DHX15: variants seen among roughly 807,000 people sequenced by gnomAD.
The protein encoded by DHX15 is DEAH-box helicase 15, also known as ATP-dependent RNA helicase DHX15.
DHX15 carries 11 observed loss-of-function variants against 94.4 expected under a neutral mutation model. The observed-to-expected ratio is 0.12, with a 90% CI of 0.07 to 0.19. The LOEUF is 0.19. Among genes scored for constraint, DHX15 ranks in the 10% least tolerant of loss-of-function variants. The pLI, the probability that DHX15 is intolerant of heterozygous loss-of-function variation, is 1.00. For synonymous variants in DHX15, 338 were observed against 329.9 expected (o/e 1.02, Z -0.27); for missense variants, 304 against 988.5 (o/e 0.31, Z 9.29).
intron 1 of DHX15, among the ~76,000 whole-genome samples, chr4:24,576,912 G>A (rs1722280475): frequency 1.3e-5 from 2 of 151,970 alleles, no homozygotes; most frequent in Admixed American, 1.3e-4. Context: ...TTAACATTAG[G>A]TGAGGTAACA....
chr4:24,528,093 T>G, intron 13 of DHX15, 52 bp from the exon 14 acceptor site: 1 of 1,276,494 alleles, frequency 7.8e-7, no homozygotes, highest in Non-Finnish European at 1.1e-6. Context: ...ATTGAAGTAC[T>G]GGAGTTGTTA....
rs759289510 is a variant in DHX15, at chr4:24,576,736, C to T, written c.72-58G>A. On this transcript the variant is annotated intron_variant, in intron 1 of 13. Transcript: ENST00000336812. ...ATTTTATGCAGAATGTTCACGGTAG[C>T]GTTATAATCACAAAGAGAGTAAATG... 5 of 1,574,116 alleles carry T rather than the reference C, an allele frequency of 3.2e-6. No individual in the cohort carries two copies. In the Admixed American group the frequency reaches 5.3e-5, roughly 17 times the overall value.
At chr4:24,577,463 T>C (rs1420687762) in intron 1 of DHX15, among the ~76,000 whole-genome samples, 1 of 152,200 alleles carries the variant, frequency 6.6e-6, no homozygotes, top group Non-Finnish European at 1.5e-5. Context: ...CATTTTAACC[T>C]AAACAGCAAC....
chr4:24,552,305 T>C (rs555079342), intron 5 of DHX15, among the ~76,000 whole-genome samples: 107 of 152,208 alleles, frequency 7.0e-4, no homozygotes, highest in Non-Finnish European at 1.1e-3. Flanking sequence ...TGTTAGTAAA[T>C]TAATCTGGAC....
intron 3 of DHX15, among the ~76,000 whole-genome samples, chr4:24,569,368 G>A (rs1295754808): frequency 3.3e-5 from 5 of 151,972 alleles, no homozygotes; most frequent in African/African-American, 4.8e-5. Flanking sequence ...TGAGGCGGGC[G>A]GATCATGAGG....
intron 1 of DHX15, among the ~76,000 whole-genome samples, chr4:24,577,404 A>T (rs1307952953): frequency 6.6e-6 from 1 of 152,168 alleles, no homozygotes. Flanking sequence ...TTGCTTTATT[A>T]AAAAAACTGA....
intron 6 of DHX15, among the ~76,000 whole-genome samples, chr4:24,544,549 AAAC>A (rs1391997123): frequency 6.6e-6 from 1 of 152,220 alleles, no homozygotes; most frequent in African/African-American, 2.4e-5. Context: ...GAACTGAAGC[AAAC>A]AACGACATAC....
chr4:24,550,122 A>AAAAAAAAAAAAAAAAG (rs1721560615), intron 5 of DHX15, among the ~76,000 whole-genome samples: 1 of 127,906 alleles, frequency 7.8e-6, no homozygotes, highest in African/African-American at 2.7e-5. Flanking sequence ...AAAAAAAAAA[A>AAAAAAAAAAAAAAAAG]ACGGTAAAAA....
At chr4:24,555,144 AAAT>A (rs1175508551) in intron 4 of DHX15, among the ~76,000 whole-genome samples, 1 of 152,188 alleles carries the variant, frequency 6.6e-6, no homozygotes, top group African/African-American at 2.4e-5. Flanking sequence ...TTTAGAAAAA[AAAT>A]AAATGCACAA....
rs536325624 is a variant in DHX15, at chr4:24,555,458, T to C, written c.862-515A>G. 3.3e-5 allele frequency among the ~76,000 whole-genome samples: 5 copies of C among 152,314 alleles called. No homozygotes were observed. In the South Asian group the frequency reaches 6.2e-4, roughly 19 times the overall value. On this transcript the variant is annotated intron_variant, in intron 4 of 13. Coordinates refer to ENST00000336812, the MANE Select transcript of DHX15 (RefSeq NM_001358.3). ...GATAGTACTCACATTATTCTTTAAA[T>C]ATATTTTTTAAAGCATTGATCTAAT...
intron 3 of DHX15, among the ~76,000 whole-genome samples, chr4:24,562,682 T>C (rs141966488): frequency 2.3e-3 from 349 of 152,338 alleles, no homozygotes; most frequent in African/African-American, 8.2e-3. Context: ...TTATAAAACA[T>C]AGTGTAATAT....
At chr4:24,541,617 A>G (rs1242353212) in intron 8 of DHX15, among the ~76,000 whole-genome samples, 1 of 152,160 alleles carries the variant, frequency 6.6e-6, no homozygotes, top group Non-Finnish European at 1.5e-5. Context: ...AGATATTTAT[A>G]CATAGTATAT....
At chr4:24,552,252 T>G (rs1203071580) in intron 5 of DHX15, among the ~76,000 whole-genome samples, 1 of 152,126 alleles carries the variant, frequency 6.6e-6, no homozygotes, top group Non-Finnish European at 1.5e-5. Flanking sequence ...AGTTCAGGAG[T>G]TTTTGATTTG....
intron 1 of DHX15, among the ~76,000 whole-genome samples, chr4:24,582,236 TCTA>T (rs1377956043): frequency 3.9e-5 from 6 of 152,228 alleles, no homozygotes; most frequent in African/African-American, 1.2e-4. Flanking sequence ...AAAACTTCCC[TCTA>T]CTATTTCTTA....
At chr4:24,535,122 A>T (rs1236832812) in intron 11 of DHX15, among the ~76,000 whole-genome samples, 2 of 152,168 alleles carry the variant, frequency 1.3e-5, no homozygotes, top group Non-Finnish European at 2.9e-5. Context: ...TGGCAGTGAG[A>T]GATCATAGTA....
chr4:24,568,949 G>A (rs1196716424), intron 3 of DHX15, among the ~76,000 whole-genome samples: 2 of 152,160 alleles, frequency 1.3e-5, no homozygotes, highest in Non-Finnish European at 2.9e-5. Flanking sequence ...GTCCCATAAA[G>A]TCATAAGGAT....
At chr4:24,558,394 CTT>C (rs1329765565) in intron 3 of DHX15, among the ~76,000 whole-genome samples, 3 of 152,108 alleles carry the variant, frequency 2.0e-5, no homozygotes, top group African/African-American at 7.2e-5. Flanking sequence ...TTATTTTGAT[CTT>C]TTTTCTCCTC....
At chr4:24,583,052 G>A (rs1722453686) in intron 1 of DHX15, among the ~76,000 whole-genome samples, 1 of 152,136 alleles carries the variant, frequency 6.6e-6, no homozygotes, top group African/African-American at 2.4e-5. Flanking sequence ...CATATCCCTG[G>A]AAATCAATTT....
At chr4:24,567,753 G>A (rs998961653) in intron 3 of DHX15, among the ~76,000 whole-genome samples, 9 of 152,116 alleles carry the variant, frequency 5.9e-5, no homozygotes, top group African/African-American at 2.2e-4. Flanking sequence ...AAGCTCTTTA[G>A]GTATCTCTTT....
Sources: gnomAD v4.1 joint callset for allele counts (sites outside exome capture counted in the v4.1 genomes callset) on GRCh38, gnomAD v4.1.1 for gene constraint, MANE v1.5 for transcripts, NCBI Gene and HGNC (gene_info 2026-07-23, HGNC 2026-07-21) for gene names.